Variants in MDH2 observed in about 807,000 individuals in gnomAD.
MDH2 encodes malate dehydrogenase, mitochondrial.
MDH2 carries 25 observed loss-of-function variants against 33.6 expected under a neutral mutation model. The observed-to-expected ratio is 0.74, with a 90% CI of 0.54 to 1.04. The LOEUF (loss-of-function observed/expected upper bound fraction) is 1.04, where lower values mean the gene tolerates loss of function less well. Among genes scored for constraint, MDH2 ranks in the 50% least tolerant of loss-of-function variants. MDH2 has a pLI of 0.00. For missense variants in MDH2, 432 were observed against 445.0 expected (o/e 0.97, Z 0.26); for synonymous variants, 193 against 188.7 (o/e 1.02, Z -0.19).
intron 5 of MDH2, among the ~76,000 whole-genome samples, chr7:76,063,297 A>G (rs1798002926): frequency 6.6e-6 from 1 of 152,214 alleles, no homozygotes; most frequent in Non-Finnish European, 1.5e-5. Flanking sequence ...GACGGCGGCA[A>G]GCCCTCACGG....
intron 5 of MDH2, 32 bp downstream of exon 5, chr7:76,060,530 C>T: frequency 6.2e-7 from 1 of 1,609,678 alleles, no homozygotes; most frequent in Non-Finnish European, 8.5e-7. Context: ...CTCAGGTGAC[C>T]TTTCTGAACT....
intron 1 of MDH2, among the ~76,000 whole-genome samples, chr7:76,052,823 T>A (rs782729897): frequency 1.8e-4 from 28 of 152,188 alleles, no homozygotes; most frequent in Admixed American, 3.9e-4. Flanking sequence ...ATTACAGGTG[T>A]GAGCCACCAC....
chr7:76,058,164 G>A, intron 4 of MDH2, 86 bp downstream of exon 4: 1 of 1,222,096 alleles, frequency 8.2e-7, no homozygotes, highest in Non-Finnish European at 1.2e-6. Context: ...TTGCAGCAAA[G>A]GCTGCTGATG....
intron 3 of MDH2, 24 bp downstream of exon 3, chr7:76,057,517 G>A (rs781938486): frequency 1.2e-6 from 2 of 1,607,764 alleles, no homozygotes; most frequent in South Asian, 1.1e-5. Context: ...AGCCTTGTCT[G>A]GTACCTCCCC....
chr7:76,063,479 T>C, intron 5 of MDH2, 36 bp from the exon 6 acceptor site: 1 of 1,602,740 alleles, frequency 6.2e-7, no homozygotes, highest in Non-Finnish European at 8.5e-7. Flanking sequence ...GTGAAAGAGC[T>C]TGTTAACTCA....
In MDH2 at chr7:76,054,933, A is replaced by G. The variant is rs1554586000; in HGVS notation, c.170A>G (p.Asp57Gly). The G allele has an allele frequency of 1.2e-6, 2 of 1,614,044 alleles. No individual in the cohort carries two copies. The highest frequency in any genetic ancestry group is 1.1e-5 in the South Asian group (1 of 91,070). Residue 57 changes from aspartate to glycine, a missense_variant, in exon 2 of 9, where the codon GAT becomes GGT. Transcript: ENST00000315758. ...TTGGTGAGCCGCCTGACCCTCTATGATATCGCGCACACACCCGGAGTGGCC... is the reference window on the plus strand; with the variant it reads ...TTGGTGAGCCGCCTGACCCTCTATGGTATCGCGCACACACCCGGAGTGGCC... Reference protein sequence around the residue: ...SPLVSRLTLYDIAHTPGVAAD... With the variant: ...SPLVSRLTLYGIAHTPGVAAD...
intron 7 of MDH2, 62 bp from the exon 8 acceptor site, chr7:76,064,740 C>A: frequency 6.6e-7 from 1 of 1,514,976 alleles, no homozygotes; most frequent in Non-Finnish European, 8.8e-7. Context: ...GCTGGCGGGG[C>A]CGGCTCACCT....
intron 5 of MDH2, among the ~76,000 whole-genome samples, chr7:76,061,974 C>T (rs183689459): frequency 7.9e-5 from 12 of 152,348 alleles, no homozygotes; most frequent in South Asian, 2.1e-4. Flanking sequence ...TCTGTCCTCA[C>T]AGAAAGTCCT....
rs1798011707 is a variant in MDH2 at position 76,063,611 on chromosome 7, G to A, written c.633+19G>A. 6.2e-7 allele frequency: 1 copy of A among 1,610,330 alleles called. No homozygotes were observed. Among genetic ancestry groups the A allele is most frequent in the Admixed American group, 1.7e-5 (1 of 60,002 alleles). On this transcript the variant is annotated intron_variant, in intron 6 of 8. Coordinates refer to ENST00000315758, the MANE Select transcript of MDH2 (RefSeq NM_005918.4). ...CTCTCAGGTACACGCATATGACCCT[G>A]TGAGGGGCTTCGAGGTCAGGATTCC...
intron 1 of MDH2, among the ~76,000 whole-genome samples, chr7:76,049,263 A>G (rs1017015315): frequency 6.6e-6 from 1 of 152,130 alleles, no homozygotes; most frequent in Admixed American, 6.6e-5. Flanking sequence ...TGTATTTTCA[A>G]CTTGCAATGG....
chr7:76,066,216 CG>C (rs1246121116), intron 8 of MDH2, 62 bp from the exon 9 acceptor site: 2 of 1,577,888 alleles, frequency 1.3e-6, no homozygotes, highest in Non-Finnish European at 1.7e-6. Context: ...AGCGACAGGT[CG>C]GGGTTTCTCT....
chr7:76,062,281 G>C (rs782195079), intron 5 of MDH2, among the ~76,000 whole-genome samples: 1 of 152,138 alleles, frequency 6.6e-6, no homozygotes, highest in Non-Finnish European at 1.5e-5. Context: ...CTTGTCCCCC[G>C]TCTTAGCATG....
intron 8 of MDH2, among the ~76,000 whole-genome samples, chr7:76,065,921 CTGA>C (rs1224054000): frequency 7.2e-5 from 11 of 152,320 alleles, no homozygotes; most frequent in Middle Eastern, 3.4e-3. Context: ...TGAAGTGTTC[CTGA>C]TGATTGAGTT....
chr7:76,057,528 A>C (rs1554586427), intron 3 of MDH2, 35 bp downstream of exon 3: 27 of 1,593,796 alleles, frequency 1.7e-5, no homozygotes, highest in Non-Finnish European at 2.3e-5. Flanking sequence ...GTACCTCCCC[A>C]CGTGAAGATG....
chr7:76,048,432 A>G (rs1797407981), intron 1 of MDH2: 3 of 1,106,234 alleles, frequency 2.7e-6, no homozygotes, highest in African/African-American at 1.7e-5. Context: ...GGGGCGAGGT[A>G]GTCCCGCTCC....
chr7:76,060,948 G>T (rs1797929085), intron 5 of MDH2, among the ~76,000 whole-genome samples: 1 of 152,022 alleles, frequency 6.6e-6, no homozygotes, highest in Admixed American at 6.6e-5. Flanking sequence ...TATCAGAATT[G>T]TTGTTGGCCC....
At chr7:76,053,952 T>C (rs1797694042) in intron 1 of MDH2, among the ~76,000 whole-genome samples, 1 of 152,184 alleles carries the variant, frequency 6.6e-6, no homozygotes, top group East Asian at 1.9e-4. Flanking sequence ...CAAGCTGAAA[T>C]GCCCAGGGCC....
intron 6 of MDH2, among the ~76,000 whole-genome samples, chr7:76,063,851 C>T (rs1415386312): frequency 6.6e-6 from 1 of 152,168 alleles, no homozygotes; most frequent in East Asian, 1.9e-4. Flanking sequence ...CTGGTTAGGC[C>T]GGAGCGGGCG....
At position 76,063,601 on chromosome 7, in the gene MDH2, A is replaced by G. The variant is rs371439165; in HGVS notation, c.633+9A>G. 9.9e-6 allele frequency: 16 copies of G among 1,613,374 alleles called. No individual in the cohort carries two copies. Among genetic ancestry groups the G allele is most frequent in the African/African-American group, 1.3e-5 (1 of 75,032 alleles). On this transcript the variant is annotated intron_variant, in intron 6 of 8. Transcript: ENST00000315758. ...TCCCCCTGATCTCTCAGGTACACGC[A>G]TATGACCCTGTGAGGGGCTTCGAGG...
Sources: allele counts gnomAD v4.1 joint callset (sites outside exome capture counted in the v4.1 genomes callset), GRCh38; gene constraint gnomAD v4.1.1; transcripts MANE v1.5; gene names NCBI Gene and HGNC (gene_info 2026-07-23, HGNC 2026-07-21).